The following SYNRG variants were observed in gnomAD, a reference collection of about 807,000 sequenced individuals.
The protein encoded by SYNRG is AP1 gamma subunit binding protein 1.
SYNRG carries 37 observed loss-of-function variants against 130.9 expected under a neutral mutation model. The observed-to-expected ratio is 0.28, with a 90% CI of 0.22 to 0.37. The LOEUF (loss-of-function observed/expected upper bound fraction) is 0.37, where lower values mean the gene tolerates loss of function less well. Ranked by LOEUF, SYNRG falls within the 10% of genes least tolerant of loss-of-function variation. SYNRG has a pLI of 1.00. For missense variants in SYNRG, 1,338 were observed against 1,588.9 expected (o/e 0.84, Z 2.68); for synonymous variants, 539 against 568.1 (o/e 0.95, Z 0.73).
chr17:37,554,665 CTATT>C (rs2058971488), intron 13 of SYNRG, among the ~76,000 whole-genome samples: 1 of 152,108 alleles, frequency 6.6e-6, no homozygotes, highest in Non-Finnish European at 1.5e-5. Context: ...GAAAAGGTAT[CTATT>C]TATTTGCAAA....
chr17:37,598,757 T>A (rs913004666), intron 2 of SYNRG, among the ~76,000 whole-genome samples: 1 of 152,202 alleles, frequency 6.6e-6, no homozygotes, highest in African/African-American at 2.4e-5. Context: ...AGAAAAAATA[T>A]CAGGCAACAC....
chr17:37,583,496 C>G (rs1438299418), intron 6 of SYNRG, among the ~76,000 whole-genome samples: 2 of 152,124 alleles, frequency 1.3e-5, no homozygotes, highest in African/African-American at 4.8e-5. Context: ...GAACTGGTTA[C>G]TATGCCAGTG....
intron 6 of SYNRG, among the ~76,000 whole-genome samples, chr17:37,580,366 C>T (rs1026896094): frequency 2.0e-5 from 3 of 150,638 alleles, no homozygotes; most frequent in African/African-American, 7.4e-5. Context: ...ATGAGCTCAG[C>T]TCACTGAAAC....
chr17:37,609,331 A>C lies in SYNRG; in HGVS notation c.25T>G (p.Ser9Ala). 2.7e-6 allele frequency: 4 copies of C among 1,469,174 alleles called. No individual in the cohort carries two copies. Among genetic ancestry groups the C allele is most frequent in the Non-Finnish European group, 3.6e-6 (4 of 1,116,934 alleles). The allele number at this position is 1,469,174 out of a possible 1,614,324, so 91.0% of individuals were successfully genotyped here. A position where few individuals can be genotyped will look rare whatever the true frequency, so the allele number is the denominator to read the frequency against. The change falls in exon 1 of 22, where the codon TCT becomes GCT. Residue 9 changes from serine (S) to alanine (A), a missense_variant. Physicochemically the swap from Ser to Ala is moderately conservative, Grantham distance 99 (BLOSUM62 1). Around this residue, in one of 3 missense-constraint regions of SYNRG, gnomAD observed 184 missense variants for 217.2 expected, o/e 0.85. Coordinates refer to ENST00000612223, the MANE Select transcript of SYNRG (RefSeq NM_007247.6). ...GCTCCCGCGGCCCCGCCGCCACCAG[A>C]ACCAGCTCCTGGCCGCAGCGCCATC... is the stretch of plus-strand genomic sequence containing the variant. Reference protein sequence around the residue: MALRPGAGSGGGGAAGAGA... With the variant: MALRPGAGAGGGGAAGAGA...
intron 11 of SYNRG, among the ~76,000 whole-genome samples, chr17:37,565,292 A>G (rs561330381): frequency 1.9e-4 from 29 of 152,176 alleles, no homozygotes; most frequent in African/African-American, 7.0e-4. Context: ...TCATTCAAGG[A>G]AAGTATGGAA....
chr17:37,605,546 CAA>C (rs2063679075), intron 1 of SYNRG, among the ~76,000 whole-genome samples: 1 of 152,142 alleles, frequency 6.6e-6, no homozygotes, highest in Non-Finnish European at 1.5e-5. Context: ...GAAATAAAAA[CAA>C]AATACTGTCA....
intron 4 of SYNRG, 26 bp downstream of exon 4, chr17:37,586,393 A>G (rs897728069): frequency 1.2e-6 from 2 of 1,613,050 alleles, no homozygotes; most frequent in African/African-American, 2.7e-5. Context: ...TATCTTTGTT[A>G]TCCTTTAATT....
intron 18 of SYNRG, 129 bp downstream of exon 18, chr17:37,538,195 C>T: frequency 4.6e-6 from 3 of 657,126 alleles, no homozygotes; most frequent in Non-Finnish European, 7.6e-6. Context: ...AGTGTCTTAC[C>T]CACAAATACA....
At chr17:37,542,673 T>C (rs1461175029) in intron 14 of SYNRG, 108 bp from the exon 15 acceptor site, 3 of 789,268 alleles carry the variant, frequency 3.8e-6, no homozygotes, top group Non-Finnish European at 5.8e-6. Context: ...TTATACTATG[T>C]TGAAATTAGC....
chr17:37,520,609 G>A lies in SYNRG; in HGVS notation c.3706C>T (p.Arg1236Trp), dbSNP rs200645501. Reference protein sequence around the residue: ...NSLDFSSCMLRPGIKNAQELA... With the variant: ...NSLDFSSCMLWPGIKNAQELA... ...TCCTGAGCATTTTTAATCCCAGGCC[G>A]TAACATACAGGAGGAAAAATCCAGC... Residue 1236 changes from arginine (R) to tryptophan (W), a missense_variant, in exon 20 of 22, where the codon CGG (arginine) becomes TGG (tryptophan). Coordinates refer to ENST00000612223, the MANE Select transcript of SYNRG (RefSeq NM_007247.6). 28 of 1,614,188 alleles carry A rather than the reference G, an allele frequency of 1.7e-5. No individual in the cohort carries two copies. The highest frequency in any genetic ancestry group is 9.3e-5 in the African/African-American group (7 of 75,038).
At chr17:37,585,482 G>A (rs1252224638) in intron 4 of SYNRG, 52 bp from the exon 5 acceptor site, 1 of 1,248,402 alleles carries the variant, frequency 8.0e-7, no homozygotes. Context: ...TATACACTGT[G>A]TTTTATATTC....
chr17:37,555,420 C>A (rs924685557), intron 13 of SYNRG, among the ~76,000 whole-genome samples: 2 of 152,182 alleles, frequency 1.3e-5, no homozygotes, highest in African/African-American at 4.8e-5. Flanking sequence ...AGCTACAGCA[C>A]CCGGCCCAAG....
At chr17:37,604,056 C>T (rs1378347412) in intron 1 of SYNRG, among the ~76,000 whole-genome samples, 2 of 152,250 alleles carry the variant, frequency 1.3e-5, no homozygotes, top group African/African-American at 2.4e-5. Context: ...GCCTGGCCAA[C>T]ATGGTGAAAC....
At position 37,518,168 on chromosome 17, in the gene SYNRG, T is replaced by C. The variant is rs2054568528; in HGVS notation, c.*772A>G. On this transcript the variant is annotated 3_prime_UTR_variant, in exon 22 of 22. Transcript: ENST00000612223. ...CTTTCCAAATCTTGTCTGAGAAAAC[T>C]CCATGGTCACAGTCTTTGCATGCGG... The C allele has an allele frequency of 6.6e-6, 1 of 152,208 alleles. No homozygotes were observed. The allele number at this position is 152,208 out of a possible 1,614,324, so 9.4% of individuals were successfully genotyped here.
At chr17:37,558,739 G>A (rs141064629) in intron 13 of SYNRG, among the ~76,000 whole-genome samples, 33 of 152,142 alleles carry the variant, frequency 2.2e-4, no homozygotes, top group Non-Finnish European at 3.2e-4. Context: ...GGATTAGTGC[G>A]CAGATGATTG....
intron 8 of SYNRG, among the ~76,000 whole-genome samples, chr17:37,572,815 T>C (rs1315704063): frequency 6.6e-6 from 1 of 152,158 alleles, no homozygotes; most frequent in African/African-American, 2.4e-5. Flanking sequence ...GTTGGTGAGT[T>C]TTTGACAATA....
At position 37,542,431 on chromosome 17, in the gene SYNRG, C is replaced by T; in HGVS notation, c.2743G>A (p.Ala915Thr). The T allele has an allele frequency of 6.2e-7, 1 of 1,614,150 alleles. No homozygotes were observed. The highest frequency in any genetic ancestry group is 1.1e-5 in the South Asian group (1 of 91,082). ...GTGGCTGAGGGGGATCCACTTCCTG[C>T]TGAGAGGACAAATGGAGAGAGTTTT... ...GRKLSPFVLS[A>T]GSGSPSATSI... Residue 915 changes from alanine to threonine, a missense_variant, in exon 15 of 22, where the codon GCA becomes ACA. By Grantham distance (58) the Ala-to-Thr change is moderately conservative. Around this residue, in one of 3 missense-constraint regions of SYNRG, gnomAD observed 1,146 missense variants for 1,342.3 expected, o/e 0.85. Coordinates refer to ENST00000612223, the MANE Select transcript of SYNRG (RefSeq NM_007247.6).
chr17:37,561,066 GTTT>G, intron 13 of SYNRG, 126 bp downstream of exon 13: 1 of 758,602 alleles, frequency 1.3e-6, no homozygotes, highest in Non-Finnish European at 2.2e-6. Flanking sequence ...TGTCCATTCA[GTTT>G]TTTTCTCCTA....
In SYNRG at chr17:37,516,884, A is replaced by G. The variant is rs1467882665; in HGVS notation, c.*2056T>C. The G allele has an allele frequency of 6.6e-6, 1 of 152,166 alleles. No homozygotes were observed. Among genetic ancestry groups the G allele is most frequent in the Non-Finnish European group, 1.5e-5 (1 of 68,062 alleles). 9.4% of individuals were successfully genotyped at this position (152,166 alleles called of 1,614,324 possible). On this transcript the variant is annotated 3_prime_UTR_variant, in exon 22 of 22. Coordinates refer to ENST00000612223, the MANE Select transcript of SYNRG (RefSeq NM_007247.6). ...CAGGGCTGGTCTCTAACTCCTGGGA[A>G]ACATTCTTATTGCAAAGGTAGATTC...
Sources: allele counts gnomAD v4.1 joint callset (sites outside exome capture counted in the v4.1 genomes callset), GRCh38; gene constraint gnomAD v4.1.1; regional missense constraint gnomAD v4.1.1; transcripts MANE v1.5; gene names NCBI Gene and HGNC (gene_info 2026-07-23, HGNC 2026-07-21).